ZNF385D: variants seen among roughly 807,000 people sequenced by gnomAD.
The protein encoded by ZNF385D is zinc finger protein 385D, also known as zinc finger protein 659.
Under a neutral mutation model 35.8 loss-of-function variants are expected in ZNF385D, and 15 were observed. That is an observed-to-expected ratio of 0.42 (90% CI 0.28 to 0.64). The LOEUF is 0.64. Among genes scored for constraint, ZNF385D ranks in the 30% least tolerant of loss-of-function variants. The pLI is 0.23. For missense variants in ZNF385D, 474 were observed against 494.6 expected (o/e 0.96, Z 0.39); for synonymous variants, 212 against 186.8 (o/e 1.13, Z -1.10).
intron 3 of ZNF385D, among the ~76,000 whole-genome samples, chr3:21,783,769 A>T (rs2071582124): frequency 6.6e-6 from 1 of 152,190 alleles, no homozygotes; most frequent in Non-Finnish European, 1.5e-5. Context: ...ATAAAATAGC[A>T]GCTTCAGGCA....
chr3:21,425,214 C>G (rs1314849842), intron 6 of ZNF385D, among the ~76,000 whole-genome samples: 1 of 152,222 alleles, frequency 6.6e-6, no homozygotes, highest in African/African-American at 2.4e-5. Flanking sequence ...TCCACCCACT[C>G]TTCGTATACA....
At chr3:21,528,032 ATAAC>A (rs1184421898) in intron 3 of ZNF385D, among the ~76,000 whole-genome samples, 2 of 152,202 alleles carry the variant, frequency 1.3e-5, no homozygotes, top group Admixed American at 6.5e-5. Flanking sequence ...CAGTGTTTAA[ATAAC>A]TTCCCAAGGT....
intron 3 of ZNF385D, among the ~76,000 whole-genome samples, chr3:21,915,214 G>C (rs1250423970): frequency 6.6e-6 from 1 of 151,956 alleles, no homozygotes. Context: ...CATATTTTTA[G>C]AATCTCAGAA....
intron 3 of ZNF385D, among the ~76,000 whole-genome samples, chr3:21,978,061 A>G (rs1703748173): frequency 6.6e-6 from 1 of 152,190 alleles, no homozygotes; most frequent in African/African-American, 2.4e-5. Flanking sequence ...AATAAACAAT[A>G]TATCAGACCA....
chr3:21,827,415 A>G (rs867476857), intron 3 of ZNF385D, among the ~76,000 whole-genome samples: 6 of 152,212 alleles, frequency 3.9e-5, no homozygotes, highest in Admixed American at 2.0e-4. Flanking sequence ...CATGTTTCTT[A>G]GCATCCTGAC....
chr3:21,968,454 T>A (rs1321105769), intron 3 of ZNF385D, among the ~76,000 whole-genome samples: 1 of 151,976 alleles, frequency 6.6e-6, no homozygotes, highest in Non-Finnish European at 1.5e-5. Flanking sequence ...AGTGCTTGAG[T>A]CATCCCTCCC....
rs113048415 is a variant in ZNF385D at position 21,611,571 on chromosome 3, A to G, written c.166-46887T>C. 9.7e-3 allele frequency among the ~76,000 whole-genome samples: 1,470 copies of G among 152,156 alleles called. 29 individuals are homozygous for G. The highest frequency in any genetic ancestry group is 0.033 in the African/African-American group (1,382 of 41,508). The stretch of plus-strand genomic sequence containing the variant: ...GACAAAATCATTTCTGTTTTTTGTG[A>G]TGGCCAAATGACATAATGTATATGA... On this transcript the variant is annotated intron_variant, in intron 2 of 7. Coordinates refer to ENST00000281523, the MANE Select transcript of ZNF385D (RefSeq NM_024697.3).
At chr3:21,617,843 C>G (rs2064892964) in intron 2 of ZNF385D, among the ~76,000 whole-genome samples, 1 of 152,158 alleles carries the variant, frequency 6.6e-6, no homozygotes, top group Non-Finnish European at 1.5e-5. Flanking sequence ...CCTTCTTTCC[C>G]TCCTTCACCC....
chr3:22,294,023 T>C (rs1035546811), intron 2 of ZNF385D, among the ~76,000 whole-genome samples: 8 of 148,112 alleles, frequency 5.4e-5, no homozygotes, highest in Admixed American at 4.6e-4. Flanking sequence ...GATTGCAGCA[T>C]TTACTGATGC....
intron 3 of ZNF385D, among the ~76,000 whole-genome samples, chr3:22,138,344 A>G (rs1704284194): frequency 6.6e-6 from 1 of 152,196 alleles, no homozygotes; most frequent in Non-Finnish European, 1.5e-5. Flanking sequence ...ATCAAAATAG[A>G]ACCCGCATTG....
chr3:22,014,616 A>G (rs904125022), intron 3 of ZNF385D, among the ~76,000 whole-genome samples: 8 of 152,176 alleles, frequency 5.3e-5, no homozygotes, highest in Non-Finnish European at 1.0e-4. Context: ...ATATACTCAG[A>G]AAAATTACCA....
chr3:21,666,070 C>G (rs761048602), intron 1 of ZNF385D, among the ~76,000 whole-genome samples: 1 of 152,186 alleles, frequency 6.6e-6, no homozygotes, highest in African/African-American at 2.4e-5. Context: ...GCTTGCGCCA[C>G]TTACTTGCCT....
intron 2 of ZNF385D, among the ~76,000 whole-genome samples, chr3:22,335,597 C>A (rs945967413): frequency 1.3e-4 from 20 of 152,138 alleles, no homozygotes; most frequent in African/African-American, 4.8e-4. Context: ...GTTGTATGTT[C>A]TCCCTCACTG....
At chr3:21,915,132 G>C (rs887254083) in intron 3 of ZNF385D, among the ~76,000 whole-genome samples, 1 of 151,770 alleles carries the variant, frequency 6.6e-6, no homozygotes, top group Non-Finnish European at 1.5e-5. Flanking sequence ...AATTCACATG[G>C]CATGTTTTCC....
At chr3:21,902,484 A>G (rs1699460726) in intron 3 of ZNF385D, among the ~76,000 whole-genome samples, 4 of 152,162 alleles carry the variant, frequency 2.6e-5, no homozygotes, top group Admixed American at 2.6e-4. Context: ...GGAATAGATC[A>G]AGTTACATGA....
intron 3 of ZNF385D, among the ~76,000 whole-genome samples, chr3:22,020,364 T>A (rs1309266207): frequency 6.6e-6 from 1 of 151,996 alleles, no homozygotes; most frequent in African/African-American, 2.4e-5. Context: ...TTTAAATTTT[T>A]TCTTTAGTTG....
At chr3:21,906,852 C>T (rs1699709175) in intron 3 of ZNF385D, among the ~76,000 whole-genome samples, 1 of 152,188 alleles carries the variant, frequency 6.6e-6, no homozygotes. Flanking sequence ...GTCTTGCATT[C>T]ACAGTCTTCA....
At chr3:21,906,074 G>C (rs999545737) in intron 3 of ZNF385D, among the ~76,000 whole-genome samples, 8 of 152,084 alleles carry the variant, frequency 5.3e-5, no homozygotes, top group Non-Finnish European at 1.0e-4. Context: ...TTAAACTTCC[G>C]CATATCCATC....
At chr3:21,897,691 A>C (rs1012020200) in intron 3 of ZNF385D, among the ~76,000 whole-genome samples, 8 of 152,144 alleles carry the variant, frequency 5.3e-5, no homozygotes, top group African/African-American at 1.7e-4. Flanking sequence ...TGTTCAGAGA[A>C]GGCATCTTGC....
Sources: allele counts gnomAD v4.1 joint callset (sites outside exome capture counted in the v4.1 genomes callset), GRCh38; gene constraint gnomAD v4.1.1; transcripts MANE v1.5; gene names NCBI Gene and HGNC (gene_info 2026-07-23, HGNC 2026-07-21).